KIAA1328: variants seen among roughly 807,000 people sequenced by gnomAD.
The protein encoded by KIAA1328 is protein hinderin.
KIAA1328 carries 52 observed loss-of-function variants against 68.1 expected under a neutral mutation model. The observed-to-expected ratio is 0.76, with a 90% CI of 0.61 to 0.96. KIAA1328 has a LOEUF of 0.96. Among genes scored for constraint, KIAA1328 ranks in the 40% least tolerant of loss-of-function variants. The pLI is 0.00. For synonymous variants in KIAA1328, 232 were observed against 239.4 expected (o/e 0.97, Z 0.28); for missense variants, 641 against 677.6 (o/e 0.95, Z 0.60).
chr18:36,842,288 G>A (rs2046884605), intron 3 of KIAA1328, among the ~76,000 whole-genome samples: 1 of 152,114 alleles, frequency 6.6e-6, no homozygotes, highest in South Asian at 2.1e-4. Flanking sequence ...GCCTGATAAA[G>A]GCTGGTTCTG....
chr18:36,879,591 C>G (rs1852056267), intron 4 of KIAA1328, among the ~76,000 whole-genome samples: 1 of 152,194 alleles, frequency 6.6e-6, no homozygotes, highest in South Asian at 2.1e-4. Flanking sequence ...TCAGAGCCAG[C>G]AGGCAGGAAT....
At chr18:37,097,736 C>T (rs1268714508) in intron 7 of KIAA1328, among the ~76,000 whole-genome samples, 1 of 152,092 alleles carries the variant, frequency 6.6e-6, no homozygotes, top group East Asian at 1.9e-4. Context: ...TCTTTGTATC[C>T]TCTTTTATTT....
intron 6 of KIAA1328, among the ~76,000 whole-genome samples, chr18:36,960,076 G>A (rs1229099707): frequency 1.3e-5 from 2 of 152,170 alleles, no homozygotes; most frequent in African/African-American, 4.8e-5. Flanking sequence ...ATTACAGACT[G>A]TATCTGGAAA....
chr18:37,205,443 C>T (rs891186217), intron 9 of KIAA1328, among the ~76,000 whole-genome samples: 4 of 152,080 alleles, frequency 2.6e-5, no homozygotes, highest in Admixed American at 1.3e-4. Flanking sequence ...CAACAAAACC[C>T]ATTTCTTTCT....
chr18:36,929,489 T>A (rs1568176987), intron 5 of KIAA1328, among the ~76,000 whole-genome samples: 1 of 151,994 alleles, frequency 6.6e-6, no homozygotes, highest in Non-Finnish European at 1.5e-5. Flanking sequence ...TTCTGCCACC[T>A]TGTACTTAGC....
intron 5 of KIAA1328, among the ~76,000 whole-genome samples, chr18:36,940,718 C>T (rs2050678221): frequency 6.7e-6 from 1 of 149,482 alleles, no homozygotes; most frequent in African/African-American, 2.5e-5. Flanking sequence ...GCTCTGTCAC[C>T]AGGCTGGAGT....
At chr18:37,162,537 C>T (rs947642733) in intron 8 of KIAA1328, among the ~76,000 whole-genome samples, 8 of 152,252 alleles carry the variant, frequency 5.3e-5, no homozygotes, top group Admixed American at 5.2e-4. Flanking sequence ...ATTGCATTGG[C>T]ATTTGCTGTG....
In KIAA1328 at chr18:37,121,305, T is replaced by C. The variant is rs374721663; in HGVS notation, c.1233-38895T>C. ...TGTAAAATCAAGGAAATCTATTGTC[T>C]TCTATAAGAAGAATTCATCAGGTTA... is the stretch of plus-strand genomic sequence containing the variant. On this transcript the variant is annotated intron_variant, in intron 7 of 9. Transcript: ENST00000280020. Among the ~76,000 whole-genome samples the C allele has an allele frequency of 8.5e-5, 13 of 152,266 alleles. No individual in the cohort carries two copies. In the East Asian group the frequency reaches 1.9e-3, roughly 23 times the overall value.
intron 6 of KIAA1328, among the ~76,000 whole-genome samples, chr18:37,036,004 G>A (rs933320263): frequency 9.2e-5 from 14 of 152,058 alleles, no homozygotes; most frequent in African/African-American, 3.4e-4. Context: ...ATCAAAGTAT[G>A]CCTTCAGAGA....
intron 9 of KIAA1328, among the ~76,000 whole-genome samples, chr18:37,188,168 A>G (rs1300995026): frequency 6.6e-6 from 1 of 152,214 alleles, no homozygotes; most frequent in Non-Finnish European, 1.5e-5. Context: ...ACAGATAGGC[A>G]TAAGTGCTAT....
intron 8 of KIAA1328, among the ~76,000 whole-genome samples, chr18:37,164,520 G>A (rs921585069): frequency 2.0e-5 from 3 of 152,114 alleles, no homozygotes; most frequent in Non-Finnish European, 4.4e-5. Context: ...TGAGGCAGGC[G>A]GATCACCTGA....
Position 37,222,445 on chromosome 18 carries a change from G to A in KIAA1328, c.*218G>A, listed in dbSNP as rs1662906. ...ACACACTAAGGGGGTAGGAATGGAAGATGGTATCTTTTATATGCTAAACAG... is the reference window on the plus strand; with the variant it reads ...ACACACTAAGGGGGTAGGAATGGAAAATGGTATCTTTTATATGCTAAACAG... On this transcript the variant is annotated 3_prime_UTR_variant, in exon 10 of 10. Transcript: ENST00000280020. The A allele has an allele frequency of 0.16, 228,988 of 1,396,302 alleles. 27,146 individuals carry two copies. Among genetic ancestry groups the A allele is most frequent in the African/African-American group, 0.63 (43,191 of 68,910 alleles). 86.5% of individuals were successfully genotyped at this position (1,396,302 alleles called of 1,614,324 possible).
intron 4 of KIAA1328, among the ~76,000 whole-genome samples, chr18:36,883,365 T>C (rs897189734): frequency 1.3e-5 from 2 of 152,186 alleles, no homozygotes; most frequent in Non-Finnish European, 2.9e-5. Flanking sequence ...GTTTATTTAG[T>C]GTACCTCCAC....
intron 6 of KIAA1328, among the ~76,000 whole-genome samples, chr18:36,973,850 C>CACACACACACACAT (rs983579773): frequency 6.7e-6 from 1 of 149,154 alleles, no homozygotes; most frequent in Non-Finnish European, 1.5e-5. Context: ...CACACACACA[C>CACACACACACACAT]ATATATATCT....
At chr18:36,860,597 A>G (rs934090835) in intron 4 of KIAA1328, among the ~76,000 whole-genome samples, 4 of 151,964 alleles carry the variant, frequency 2.6e-5, no homozygotes, top group Non-Finnish European at 4.4e-5. Flanking sequence ...CATGAGCCAC[A>G]TTTTCCTTTC....
At chr18:36,950,815 C>A (rs1357508618) in intron 5 of KIAA1328, among the ~76,000 whole-genome samples, 1 of 152,168 alleles carries the variant, frequency 6.6e-6, no homozygotes, top group East Asian at 1.9e-4. Context: ...GCCAGATGGC[C>A]TTACCTCAGA....
At chr18:36,909,809 T>A (rs2049363743) in intron 5 of KIAA1328, among the ~76,000 whole-genome samples, 1 of 152,126 alleles carries the variant, frequency 6.6e-6, no homozygotes, top group South Asian at 2.1e-4. Context: ...GTTTCCTGAC[T>A]TTAATGATCG....
At chr18:36,996,498 TA>T (rs911508375) in intron 6 of KIAA1328, among the ~76,000 whole-genome samples, 1 of 152,200 alleles carries the variant, frequency 6.6e-6, no homozygotes, top group African/African-American at 2.4e-5. Context: ...CTCTAAATTT[TA>T]AAAACAGTAA....
chr18:37,163,102 A>G (rs1216100145), intron 8 of KIAA1328, among the ~76,000 whole-genome samples: 1 of 152,162 alleles, frequency 6.6e-6, no homozygotes, highest in African/African-American at 2.4e-5. Context: ...CCTGATTTTC[A>G]TTCCTCTTTT....
Sources: allele counts gnomAD v4.1 joint callset (sites outside exome capture counted in the v4.1 genomes callset), GRCh38; gene constraint gnomAD v4.1.1; transcripts MANE v1.5; gene names NCBI Gene and HGNC (gene_info 2026-07-23, HGNC 2026-07-21).